ERC1: variants seen among roughly 807,000 people sequenced by gnomAD.
ERC1 encodes ELKS/RAB6-interacting/CAST family member 1, also known as RAB6 interacting protein 2.
In ERC1, 56 loss-of-function variants were observed where a neutral mutation model predicts 132.0. The ratio of observed to expected loss-of-function variants is 0.42; its 90% CI spans 0.34 to 0.53. The LOEUF is 0.53. ERC1 is among the 20% of genes least tolerant of loss of function. The probability of loss-of-function intolerance (pLI) is 0.03; values close to 1 mark genes in which losing one functional copy is unlikely to be tolerated. For synonymous variants in ERC1, 478 were observed against 476.1 expected, an observed-to-expected ratio of 1.00 and a Z score of -0.05; for missense variants, 1,202 against 1,349.9, an observed-to-expected ratio of 0.89 and a Z score of 1.72.
chr12:1,484,134 T>G (rs74804561), intron 18 of ERC1, among the ~76,000 whole-genome samples: 1 of 151,158 alleles, frequency 6.6e-6, no homozygotes, highest in Admixed American at 6.6e-5. Context: ...TGAAACCCCA[T>G]CTCTACTAAA....
intron 13 of ERC1, among the ~76,000 whole-genome samples, chr12:1,260,140 A>G (rs1448404318): frequency 6.6e-6 from 1 of 152,082 alleles, no homozygotes; most frequent in Admixed American, 6.5e-5. Flanking sequence ...GTTGAGTGAG[A>G]TACTTTTTTG....
chr12:1,185,029 G>A (rs1165428054), intron 11 of ERC1, among the ~76,000 whole-genome samples: 1 of 152,150 alleles, frequency 6.6e-6, no homozygotes, highest in East Asian at 1.9e-4. Context: ...TCCTGCCTCA[G>A]CCTCCAGAGT....
At chr12:1,454,148 C>T (rs1021467764) in intron 18 of ERC1, among the ~76,000 whole-genome samples, 1 of 152,016 alleles carries the variant, frequency 6.6e-6, no homozygotes, top group Non-Finnish European at 1.5e-5. Context: ...TCTTCCGTAA[C>T]ACTCTAAAGG....
chr12:1,244,113 T>G (rs1004850471), intron 13 of ERC1, among the ~76,000 whole-genome samples: 4 of 152,186 alleles, frequency 2.6e-5, no homozygotes, highest in Non-Finnish European at 5.9e-5. Flanking sequence ...TAACCATCAT[T>G]CTCGGGCACA....
intron 18 of ERC1, among the ~76,000 whole-genome samples, chr12:1,489,073 T>G (rs557343233): frequency 6.6e-6 from 1 of 152,372 alleles, no homozygotes; most frequent in East Asian, 1.9e-4. Flanking sequence ...ACGTCCTCAC[T>G]TCACGTGCTC....
chr12:1,043,790 A>G (rs1326933183), intron 2 of ERC1, among the ~76,000 whole-genome samples: 1 of 152,000 alleles, frequency 6.6e-6, no homozygotes, highest in Admixed American at 6.6e-5. Flanking sequence ...TTGTAACTTT[A>G]CCTAGAACTT....
At chr12:1,210,339 G>GTAC (rs1476970743) in intron 12 of ERC1, among the ~76,000 whole-genome samples, 1 of 152,194 alleles carries the variant, frequency 6.6e-6, no homozygotes. Context: ...TTAATTGTGT[G>GTAC]TACGTCAGGA....
At chr12:1,262,920 G>T in intron 13 of ERC1, 114 bp from the exon 14 acceptor site, 2 of 1,014,286 alleles carry the variant, frequency 2.0e-6, no homozygotes, top group South Asian at 1.7e-5. Context: ...TGTTGACCTG[G>T]ATTTGCTTCT....
chr12:1,221,453 T>TA (rs970126659), intron 12 of ERC1, among the ~76,000 whole-genome samples: 4 of 152,294 alleles, frequency 2.6e-5, no homozygotes, highest in African/African-American at 9.6e-5. Flanking sequence ...CCTTGCTGAT[T>TA]AAAAAAATGT....
intron 2 of ERC1, among the ~76,000 whole-genome samples, chr12:1,044,423 A>C (rs1311178365): frequency 3.9e-5 from 6 of 152,202 alleles, no homozygotes; most frequent in Admixed American, 3.9e-4. Context: ...AGTTCTTTTC[A>C]AGGTAGATGG....
At chr12:1,125,000 C>A (rs774526482) in intron 7 of ERC1, among the ~76,000 whole-genome samples, 1 of 145,798 alleles carries the variant, frequency 6.9e-6, no homozygotes, top group South Asian at 2.2e-4. Flanking sequence ...TATTTTCTTT[C>A]TTTTTTTTTT....
intron 17 of ERC1, among the ~76,000 whole-genome samples, chr12:1,440,311 T>C (rs1318135384): frequency 6.8e-6 from 1 of 147,326 alleles, no homozygotes; most frequent in East Asian, 2.0e-4. Context: ...TTCACGCCAT[T>C]CTCCTGCCTC....
intron 2 of ERC1, among the ~76,000 whole-genome samples, chr12:1,052,446 CTG>C (rs1972186453): frequency 6.6e-6 from 1 of 152,080 alleles, no homozygotes; most frequent in Non-Finnish European, 1.5e-5. Flanking sequence ...TAATAAACCG[CTG>C]TGTTTTATTT....
chr12:991,858 TGAA>T (rs1959458990), intron 1 of ERC1: 1 of 152,064 alleles, frequency 6.6e-6, no homozygotes, highest in African/African-American at 2.4e-5. Context: ...AGATAAAAGA[TGAA>T]GTGTATTTCA....
intron 13 of ERC1, among the ~76,000 whole-genome samples, chr12:1,255,203 T>G (rs1008495339): frequency 6.6e-6 from 1 of 152,118 alleles, no homozygotes; most frequent in Non-Finnish European, 1.5e-5. Flanking sequence ...GTGTTTGGTT[T>G]TCTGTTCTTG....
intron 13 of ERC1, among the ~76,000 whole-genome samples, chr12:1,244,032 C>T (rs971031099): frequency 6.6e-6 from 1 of 152,032 alleles, no homozygotes; most frequent in Admixed American, 6.6e-5. Flanking sequence ...TTTCTGGTAC[C>T]GTACTCTAAT....
intron 18 of ERC1, among the ~76,000 whole-genome samples, chr12:1,485,308 A>G (rs1350925344): frequency 6.8e-6 from 1 of 147,456 alleles, no homozygotes; most frequent in Non-Finnish European, 1.5e-5. Context: ...GGATTCAAGC[A>G]ATTCTTCTGC....
chr12:1,168,045 A>G (rs1952618832), intron 8 of ERC1, among the ~76,000 whole-genome samples: 1 of 152,150 alleles, frequency 6.6e-6, no homozygotes. Flanking sequence ...CAGTGCATAT[A>G]GGTAAGAAAC....
At chr12:1,480,992 A>G in intron 18 of ERC1, 1 of 684,906 alleles carries the variant, frequency 1.5e-6, no homozygotes, top group Non-Finnish European at 2.7e-6. Flanking sequence ...ATGGTACTGA[A>G]GCCTATAGAT....
Sources: allele counts gnomAD v4.1 joint callset (sites outside exome capture counted in the v4.1 genomes callset), GRCh38; gene constraint gnomAD v4.1.1; transcripts MANE v1.5; gene names NCBI Gene and HGNC (gene_info 2026-07-23, HGNC 2026-07-21).